ARB2A: variants seen among roughly 807,000 people sequenced by gnomAD.
The protein encoded by ARB2A is ARB2 cotranscriptional regulator A.
the ARB2A span, among the ~76,000 whole-genome samples, chr5:93,846,734 T>C: frequency 6.6e-6 from 1 of 152,178 alleles, no homozygotes; most frequent in African/African-American, 2.4e-5. Flanking sequence ...AATACTTTAT[T>C]GCTAAAAACT....
At chr5:93,824,923 T>C in the ARB2A span, among the ~76,000 whole-genome samples, 9 of 152,248 alleles carry the variant, frequency 5.9e-5, no homozygotes, top group Non-Finnish European at 1.3e-4. Context: ...GCAAAATGCC[T>C]TGGGCATCCC....
chr5:93,915,913 C>G, the ARB2A span, among the ~76,000 whole-genome samples: 5 of 152,088 alleles, frequency 3.3e-5, no homozygotes, highest in East Asian at 9.6e-4. Flanking sequence ...AGAGTTCTAC[C>G]ATGGCTGGAT....
At chr5:94,095,405 A>G in the ARB2A span, among the ~76,000 whole-genome samples, 8 of 152,138 alleles carry the variant, frequency 5.3e-5, no homozygotes, top group African/African-American at 1.9e-4. Context: ...GGCAAGTCCA[A>G]GCTCCTCAGC....
the ARB2A span, among the ~76,000 whole-genome samples, chr5:93,897,433 T>C: frequency 1.3e-5 from 2 of 151,862 alleles, no homozygotes; most frequent in African/African-American, 4.8e-5. Context: ...AAAATATAAT[T>C]GTACTTTTGA....
the ARB2A span, among the ~76,000 whole-genome samples, chr5:94,015,310 A>G: frequency 6.6e-6 from 1 of 152,202 alleles, no homozygotes; most frequent in Non-Finnish European, 1.5e-5. Context: ...TATCCTTCAA[A>G]TAGGAAGGAA....
chr5:94,034,297 T>C, the ARB2A span, among the ~76,000 whole-genome samples: 3 of 152,176 alleles, frequency 2.0e-5, no homozygotes, highest in Non-Finnish European at 4.4e-5. Context: ...TCGTGTTTGA[T>C]TGAGTAAGCA....
the ARB2A span, among the ~76,000 whole-genome samples, chr5:93,774,150 A>T: frequency 6.6e-6 from 1 of 152,156 alleles, no homozygotes; most frequent in Non-Finnish European, 1.5e-5. Context: ...AAGACGGTGA[A>T]CTTAATTGAT....
At chr5:93,979,634 A>T in the ARB2A span, among the ~76,000 whole-genome samples, 1 of 152,118 alleles carries the variant, frequency 6.6e-6, no homozygotes, top group Non-Finnish European at 1.5e-5. Context: ...CTTACATTTT[A>T]GACGAATGTC....
the ARB2A span, among the ~76,000 whole-genome samples, chr5:94,019,190 C>T: frequency 6.6e-6 from 1 of 152,120 alleles, no homozygotes; most frequent in East Asian, 1.9e-4. Context: ...AAATGTAAGA[C>T]CTAAAACCAT....
the ARB2A span, among the ~76,000 whole-genome samples, chr5:93,950,154 A>C: frequency 6.6e-6 from 1 of 152,154 alleles, no homozygotes; most frequent in Non-Finnish European, 1.5e-5. Flanking sequence ...GGCTATTGTG[A>C]AGAGTGCTGC....
the ARB2A span, among the ~76,000 whole-genome samples, chr5:93,772,680 A>C: frequency 4.6e-5 from 7 of 152,266 alleles, no homozygotes; most frequent in South Asian, 6.2e-4. Flanking sequence ...CAGTCATCTC[A>C]AAGAGCTCAA....
the ARB2A span, among the ~76,000 whole-genome samples, chr5:93,899,418 C>G: frequency 6.6e-6 from 1 of 151,814 alleles, no homozygotes; most frequent in East Asian, 1.9e-4. Context: ...TCAAGTTTCC[C>G]TATATATTAA....
the ARB2A span, chr5:93,741,389 C>A: frequency 1.2e-6 from 2 of 1,613,048 alleles, no homozygotes; most frequent in Non-Finnish European, 1.7e-6. Context: ...CTCCACACGT[C>A]AGGGCCTGGG....
At chr5:94,067,331 T>C in the ARB2A span, among the ~76,000 whole-genome samples, 1 of 152,152 alleles carries the variant, frequency 6.6e-6, no homozygotes, top group South Asian at 2.1e-4. Context: ...GTACAGAATG[T>C]CCTTTTCAGA....
At chr5:93,865,090 T>C in the ARB2A span, among the ~76,000 whole-genome samples, 17 of 152,128 alleles carry the variant, frequency 1.1e-4, no homozygotes, top group African/African-American at 3.9e-4. Context: ...CCTGGCTAAT[T>C]TCTTTTTTTT....
At chr5:94,109,279 A>T in the ARB2A span, among the ~76,000 whole-genome samples, 1 of 152,224 alleles carries the variant, frequency 6.6e-6, no homozygotes, top group Admixed American at 6.5e-5. Flanking sequence ...GGCTGAAGGT[A>T]ACAGAAAACG....
the ARB2A span, among the ~76,000 whole-genome samples, chr5:93,754,483 G>A: frequency 6.6e-6 from 1 of 152,158 alleles, no homozygotes; most frequent in East Asian, 1.9e-4. Context: ...GGAGGGGGCT[G>A]AAAGTACATA....
the ARB2A span, among the ~76,000 whole-genome samples, chr5:93,854,939 T>A: frequency 6.6e-6 from 1 of 152,158 alleles, no homozygotes; most frequent in Non-Finnish European, 1.5e-5. Flanking sequence ...ATTCTGTTGA[T>A]TTGGGGTGGA....
the ARB2A span, chr5:93,740,309 C>A: frequency 1.4e-5 from 5 of 351,324 alleles, no homozygotes; most frequent in South Asian, 4.2e-4. Flanking sequence ...AACAAAATAT[C>A]GAAACCATCT....
Sources: allele counts gnomAD v4.1 joint callset (sites outside exome capture counted in the v4.1 genomes callset), GRCh38; gene constraint gnomAD v4.1.1; transcripts MANE v1.5; gene names NCBI Gene and HGNC (gene_info 2026-07-23, HGNC 2026-07-21).